Variants in KCNH1 observed in about 807,000 individuals in gnomAD.
KCNH1 encodes voltage-gated delayed rectifier potassium channel KCNH1.
A neutral mutation model predicts 69.2 loss-of-function variants in KCNH1; 27 were observed. The observed-to-expected ratio is 0.39, with a 90% confidence interval of 0.29 to 0.54. The LOEUF (loss-of-function observed/expected upper bound fraction) is 0.54, where lower values mean the gene tolerates loss of function less well. Ranked by LOEUF, KCNH1 falls within the 20% of genes least tolerant of loss-of-function variation. KCNH1 has a pLI of 0.68. For synonymous variants in KCNH1, 456 were observed against 487.7 expected (o/e 0.93, Z 0.86); for missense variants, 798 against 1,261.6 (o/e 0.63, Z 5.57).
At chr1:211,112,627 C>T (rs1317557209) in intron 1 of KCNH1, among the ~76,000 whole-genome samples, 2 of 151,988 alleles carry the variant, frequency 1.3e-5, no homozygotes, top group Non-Finnish European at 2.9e-5. Context: ...AAGATTCTCA[C>T]CATAGAATTT....
At chr1:210,877,008 C>G (rs1255633312) in intron 7 of KCNH1, among the ~76,000 whole-genome samples, 1 of 150,180 alleles carries the variant, frequency 6.7e-6, no homozygotes, top group Non-Finnish European at 1.5e-5. Flanking sequence ...AACGAGCTCA[C>G]AGGTACTTCT....
In KCNH1 at chr1:211,133,753, C is replaced by T. The variant is rs1212480873; in HGVS notation, c.79+114G>A. On this transcript the variant is annotated intron_variant, in intron 1 of 10. Coordinates refer to ENST00000271751, the MANE Select transcript of KCNH1 (RefSeq NM_172362.3). This position sits in a 1 kb window ranked among gnomAD's most constrained non-coding sequence, Gnocchi z 5.4. Reference sequence around the variant, plus strand: ...TGCCCTGGGTGCCCGCGCCGCGGCTCCTTAGCAGAGCTCGCGGGTTCTGCT... The same window carrying T: ...TGCCCTGGGTGCCCGCGCCGCGGCTTCTTAGCAGAGCTCGCGGGTTCTGCT... 2 of 1,005,382 alleles carry T rather than the reference C, an allele frequency of 2.0e-6. No homozygotes were observed. Among genetic ancestry groups the T allele is most frequent in the Non-Finnish European group, 3.0e-6 (2 of 657,850 alleles). The allele number at this position is 1,005,382 out of a possible 1,614,324, so 62.3% of individuals were successfully genotyped here.
At chr1:210,823,344 T>C (rs2102429046) in intron 7 of KCNH1, among the ~76,000 whole-genome samples, 1 of 152,258 alleles carries the variant, frequency 6.6e-6, no homozygotes, top group South Asian at 2.1e-4. Context: ...TCAAAGTAAG[T>C]GGTACACTGT....
chr1:211,112,074 T>C (rs983250175), intron 1 of KCNH1, among the ~76,000 whole-genome samples: 1 of 147,340 alleles, frequency 6.8e-6, no homozygotes, highest in Non-Finnish European at 1.5e-5. Flanking sequence ...CCCCTCTGCC[T>C]GGCCGCTGTA....
chr1:210,810,870 G>T (rs78744514), intron 7 of KCNH1, among the ~76,000 whole-genome samples: 1,978 of 152,232 alleles, frequency 0.013, 18 homozygotes, highest in Middle Eastern at 0.027. Flanking sequence ...GTATTTAAGA[G>T]TGGGGCCCTA....
At chr1:211,055,383 G>A (rs1690285867) in intron 5 of KCNH1, among the ~76,000 whole-genome samples, 1 of 152,152 alleles carries the variant, frequency 6.6e-6, no homozygotes, top group African/African-American at 2.4e-5. Context: ...CCAACCAGAG[G>A]CTAATCATTC....
Position 211,070,421 on chromosome 1 carries a change from A to AC in KCNH1, c.558+12358_558+12359insG, listed in dbSNP as rs1324943651. ...CGACAGAGCGAGACTCCACCTTTAAAAAAAAAAAAACACACACACACACAC... is the reference window on the plus strand; with the variant it reads ...CGACAGAGCGAGACTCCACCTTTAAACAAAAAAAAAACACACACACACACAC... On this transcript the variant is annotated intron_variant, in intron 5 of 10. Coordinates refer to ENST00000271751, the MANE Select transcript of KCNH1 (RefSeq NM_172362.3). Among the ~76,000 whole-genome samples the AC allele has an allele frequency of 1.9e-4, 18 of 92,892 alleles. No homozygotes were observed. In the South Asian group the frequency reaches 2.5e-3, roughly 13 times the overall value. 60.9% of individuals were successfully genotyped at this position (92,892 alleles called of 152,430 possible). A position where few individuals can be genotyped will look rare whatever the true frequency, so the allele number is the denominator to read the frequency against.
intron 6 of KCNH1, among the ~76,000 whole-genome samples, chr1:211,013,043 C>G (rs1689423296): frequency 6.6e-6 from 1 of 152,184 alleles, no homozygotes; most frequent in Non-Finnish European, 1.5e-5. Flanking sequence ...GGAAGAAAAG[C>G]CCTGGTCATC....
intron 10 of KCNH1, among the ~76,000 whole-genome samples, chr1:210,701,094 C>T (rs1041965641): frequency 9.2e-5 from 14 of 152,192 alleles, no homozygotes; most frequent in East Asian, 3.9e-4. Context: ...CCCGCCACCA[C>T]GCCTGGCTAA....
At chr1:210,860,994 T>G (rs1574301938) in intron 7 of KCNH1, 2 of 1,060,612 alleles carry the variant, frequency 1.9e-6, no homozygotes, top group South Asian at 2.5e-5. Flanking sequence ...GCTCCATCTT[T>G]TTTTCAAAGG....
At chr1:210,857,165 C>T (rs1297228996) in intron 7 of KCNH1, among the ~76,000 whole-genome samples, 2 of 151,896 alleles carry the variant, frequency 1.3e-5, no homozygotes, top group African/African-American at 4.8e-5. Context: ...GCTTAGAGCA[C>T]ATACAGGTCA....
At chr1:210,798,884 G>A (rs1048199892) in intron 8 of KCNH1, among the ~76,000 whole-genome samples, 8 of 152,194 alleles carry the variant, frequency 5.3e-5, no homozygotes, top group African/African-American at 1.7e-4. Context: ...CACTTGCTGA[G>A]TGGCAGGCAT....
At chr1:210,945,855 C>T (rs1687949491) in intron 6 of KCNH1, among the ~76,000 whole-genome samples, 1 of 152,204 alleles carries the variant, frequency 6.6e-6, no homozygotes, top group Non-Finnish European at 1.5e-5. Flanking sequence ...ACTTCCCTCA[C>T]ACGCTTAAAA....
At chr1:210,944,922 C>T (rs1428209156) in intron 6 of KCNH1, among the ~76,000 whole-genome samples, 4 of 152,168 alleles carry the variant, frequency 2.6e-5, no homozygotes, top group Admixed American at 6.5e-5. Context: ...TCACATCCTC[C>T]CTTTTGCCAG....
chr1:210,950,849 G>T (rs1340702090), intron 6 of KCNH1, among the ~76,000 whole-genome samples: 1 of 152,180 alleles, frequency 6.6e-6, no homozygotes, highest in Non-Finnish European at 1.5e-5. Flanking sequence ...GCTAAAAAGT[G>T]CTACTTATTG....
At chr1:210,988,147 G>A (rs1318164511) in intron 6 of KCNH1, among the ~76,000 whole-genome samples, 1 of 152,188 alleles carries the variant, frequency 6.6e-6, no homozygotes, top group East Asian at 1.9e-4. Flanking sequence ...CAGTATTAGG[G>A]TGGGAGTGAT....
chr1:211,131,406 G>C (rs1320921589), intron 1 of KCNH1, among the ~76,000 whole-genome samples: 1 of 152,168 alleles, frequency 6.6e-6, no homozygotes, highest in Non-Finnish European at 1.5e-5. Context: ...CTCAGGCATT[G>C]TTTGCTCTGC....
At chr1:210,957,281 G>A (rs1299554966) in intron 6 of KCNH1, among the ~76,000 whole-genome samples, 1 of 152,182 alleles carries the variant, frequency 6.6e-6, no homozygotes, top group Non-Finnish European at 1.5e-5. Flanking sequence ...CTGAGACACA[G>A]TTTGTTGTGA....
chr1:210,718,670 AC>A (rs1682369892), intron 10 of KCNH1, among the ~76,000 whole-genome samples: 2 of 142,726 alleles, frequency 1.4e-5, no homozygotes, highest in African/African-American at 2.6e-5. Context: ...ACACACACAC[AC>A]ACACACACAC....
Sources: gnomAD v4.1 joint callset for allele counts (sites outside exome capture counted in the v4.1 genomes callset) on GRCh38, gnomAD v4.1.1 for gene constraint, Gnocchi (gnomAD v3.1) non-coding constraint, MANE v1.5 for transcripts, NCBI Gene and HGNC (gene_info 2026-07-23, HGNC 2026-07-21) for gene names.